The following RAB19 variants were observed in gnomAD, a reference collection of about 807,000 sequenced individuals.
RAB19 encodes the protein ras-related protein Rab-19.
Under a neutral mutation model 17.3 loss-of-function variants are expected in RAB19, and 21 were observed. The ratio of observed to expected loss-of-function variants is 1.21; its 90% CI spans 0.86 to 1.74. RAB19 has a LOEUF of 1.74. Among genes scored for constraint, RAB19 ranks in the 40% most tolerant of loss-of-function variants. RAB19 has a pLI of 0.00. For synonymous variants in RAB19, 126 were observed against 110.4 expected (o/e 1.14, Z -0.88); for missense variants, 277 against 286.8 (o/e 0.97, Z 0.25).
rs140238398 is a variant in RAB19 at position 140,418,396 on chromosome 7, C to CAA, written c.385+6364_385+6365dup. Among the ~76,000 whole-genome samples the CAA allele has an allele frequency of 9.7e-3, 679 of 70,348 alleles. 23 individuals carry two copies. The highest frequency in any genetic ancestry group is 0.036 in the African/African-American group (630 of 17,394). The allele number at this position is 70,348 out of a possible 152,430, so 46.2% of individuals were successfully genotyped here. A position where few individuals can be genotyped will look rare whatever the true frequency, so the allele number is the denominator to read the frequency against. On this transcript the variant is annotated intron_variant, in intron 3 of 3. Transcript: ENST00000537763. ...GTGAAACCCCGTCTCTGCTAAAATA[C>CAA]AAAAAAAAAAAAAAAAAAAAAAAAA... is the stretch of plus-strand genomic sequence containing the variant.
At chr7:140,418,514 T>G (rs1799502259) in intron 3 of RAB19, among the ~76,000 whole-genome samples, 1 of 149,758 alleles carries the variant, frequency 6.7e-6, no homozygotes, top group African/African-American at 2.5e-5. Context: ...AGGCAGAGGT[T>G]GCGGTGAGCC....
intron 3 of RAB19, among the ~76,000 whole-genome samples, chr7:140,424,747 G>T (rs1467823985): frequency 2.0e-5 from 3 of 148,950 alleles, no homozygotes; most frequent in African/African-American, 7.4e-5. Context: ...AAAATAAAAG[G>T]TTTAAACATG....
chr7:140,408,409 C>T (rs1799289872), intron 2 of RAB19, among the ~76,000 whole-genome samples: 1 of 151,736 alleles, frequency 6.6e-6, no homozygotes, highest in African/African-American at 2.4e-5. Flanking sequence ...TTATACATTT[C>T]TCTAACTATA....
chr7:140,406,618 G>A (rs74931238), intron 1 of RAB19, among the ~76,000 whole-genome samples: 11,633 of 148,792 alleles, frequency 0.078, 881 homozygotes, highest in East Asian at 0.21. Flanking sequence ...CAGCCTGGGC[G>A]ACACAGCGAG....
At position 140,426,990 on chromosome 7, in the gene RAB19, C is replaced by T. The variant is rs887368905; in HGVS notation, c.*840C>T. Among the ~76,000 whole-genome samples, 4 of 151,158 alleles carry T rather than the reference C, an allele frequency of 2.6e-5. No homozygotes were observed. Among genetic ancestry groups the T allele is most frequent in the African/African-American group, 7.3e-5 (3 of 41,114 alleles). On this transcript the variant is annotated 3_prime_UTR_variant, in exon 4 of 4. Coordinates refer to ENST00000537763, the MANE Select transcript of RAB19 (RefSeq NM_001008749.3). ...CCAAGTGGCTGGGACTACAGACACA[C>T]GCCACCACTCCTGGCTAATTTTTGT...
intron 3 of RAB19, among the ~76,000 whole-genome samples, chr7:140,416,242 C>T (rs1005073784): frequency 6.6e-6 from 1 of 151,538 alleles, no homozygotes; most frequent in Non-Finnish European, 1.5e-5. Context: ...GCGGGAGAGT[C>T]GCTTGAACCC....
At chr7:140,409,866 G>C (rs183425760) in intron 2 of RAB19, among the ~76,000 whole-genome samples, 6,015 of 151,376 alleles carry the variant, frequency 0.04, 120 homozygotes, top group Non-Finnish European at 0.044. Flanking sequence ...GGTGGCGGGT[G>C]CCTGTAGTCC....
chr7:140,427,666 G>A lies in RAB19; in HGVS notation c.*1516G>A, dbSNP rs1167466163. Among the ~76,000 whole-genome samples the A allele has an allele frequency of 6.6e-6, 1 of 151,736 alleles. No homozygotes were observed. Among genetic ancestry groups the A allele is most frequent in the East Asian group, 1.9e-4 (1 of 5,176 alleles). Reference sequence around the variant, plus strand: ...AGGGTTTCACCACGTTGGCCAGGCTGGTCTCGAACTCCTGACCTCATGATC... The same window carrying A: ...AGGGTTTCACCACGTTGGCCAGGCTAGTCTCGAACTCCTGACCTCATGATC... On this transcript the variant is annotated 3_prime_UTR_variant, in exon 4 of 4. Coordinates refer to ENST00000537763, the MANE Select transcript of RAB19 (RefSeq NM_001008749.3).
chr7:140,406,640 CA>C (rs1245342381), intron 1 of RAB19, among the ~76,000 whole-genome samples: 11 of 109,778 alleles, frequency 1.0e-4, no homozygotes, highest in Admixed American at 2.0e-4. Flanking sequence ...CTCTTTGTCT[CA>C]AAAAAAAAAG....
chr7:140,418,505 G>A (rs1157097340), intron 3 of RAB19, among the ~76,000 whole-genome samples: 4 of 151,584 alleles, frequency 2.6e-5, no homozygotes, highest in Non-Finnish European at 5.9e-5. Context: ...GAACCCGGGA[G>A]GCAGAGGTTG....
At position 140,411,104 on chromosome 7, in the gene RAB19, T is replaced by C. The variant is rs777406633; in HGVS notation, c.202-770T>C. The C allele has an allele frequency of 3.7e-6, 5 of 1,367,340 alleles. No individual in the cohort carries two copies. The South Asian group carries it at 4.5e-5, about 12-fold the overall frequency. 84.7% of individuals were successfully genotyped at this position (1,367,340 alleles called of 1,614,324 possible). A position where few individuals can be genotyped will look rare whatever the true frequency, so the allele number is the denominator to read the frequency against. On this transcript the variant is annotated intron_variant, in intron 2 of 3. Coordinates refer to ENST00000537763, the MANE Select transcript of RAB19 (RefSeq NM_001008749.3). ...AAGAACACAAGACCCCAGGATAAAA[T>C]AGGCCCACCTCTCGGCCGGGCGCAG... is the stretch of plus-strand genomic sequence containing the variant.
At chr7:140,422,141 C>T (rs1201881222) in intron 3 of RAB19, among the ~76,000 whole-genome samples, 1 of 152,150 alleles carries the variant, frequency 6.6e-6, no homozygotes, top group Non-Finnish European at 1.5e-5. Context: ...AATCCCAACA[C>T]TTTGGGAGGC....
intron 3 of RAB19, among the ~76,000 whole-genome samples, chr7:140,418,525 G>A (rs1379285076): frequency 6.6e-5 from 10 of 150,946 alleles, no homozygotes; most frequent in African/African-American, 1.9e-4. Flanking sequence ...GCGGTGAGCC[G>A]AGATTGCGCC....
At chr7:140,408,443 G>T (rs147987057) in intron 2 of RAB19, among the ~76,000 whole-genome samples, 2 of 151,756 alleles carry the variant, frequency 1.3e-5, no homozygotes, top group South Asian at 2.1e-4. Context: ...TGCTTTTTTG[G>T]GGGGGTGGGG....
chr7:140,424,662 T>A (rs960175191), intron 3 of RAB19, among the ~76,000 whole-genome samples: 2 of 83,422 alleles, frequency 2.4e-5, no homozygotes, highest in African/African-American at 8.0e-5. Flanking sequence ...TATATGTGTG[T>A]GTATATATAT....
In RAB19 at chr7:140,418,029, A is replaced by G. The variant is rs1044263590; in HGVS notation, c.385+5972A>G. Among the ~76,000 whole-genome samples, 11 of 152,256 alleles carry G rather than the reference A, an allele frequency of 7.2e-5. No individual in the cohort carries two copies. In the East Asian group the frequency reaches 1.5e-3, roughly 21 times the overall value. Reference sequence around the variant, plus strand: ...CTCCATGGGCCCCCGTTCCTAGCCTATTGTAGCACTCAAATGTGCTAATGT... The same window carrying G: ...CTCCATGGGCCCCCGTTCCTAGCCTGTTGTAGCACTCAAATGTGCTAATGT... On this transcript the variant is annotated intron_variant, in intron 3 of 3. Coordinates refer to ENST00000537763, the MANE Select transcript of RAB19 (RefSeq NM_001008749.3).
At chr7:140,422,619 C>T (rs991117424) in intron 3 of RAB19, among the ~76,000 whole-genome samples, 2 of 147,758 alleles carry the variant, frequency 1.4e-5, no homozygotes, top group African/African-American at 4.8e-5. Context: ...CTCCACTGCA[C>T]TCCAGCCTGG....
In RAB19 at chr7:140,427,529, G is replaced by A. The variant is rs1799692131; in HGVS notation, c.*1379G>A. 6.8e-6 allele frequency among the ~76,000 whole-genome samples: 1 copy of A among 146,156 alleles called. No individual in the cohort carries two copies. The highest frequency in any genetic ancestry group is 2.2e-4 in the South Asian group (1 of 4,566). On this transcript the variant is annotated 3_prime_UTR_variant, in exon 4 of 4. Transcript: ENST00000537763. ...TGCAATGGTGTGACCTCGGCTCACTGCAACTTCTGCCTTCCAGATTCAAGT... is the reference window on the plus strand; with the variant it reads ...TGCAATGGTGTGACCTCGGCTCACTACAACTTCTGCCTTCCAGATTCAAGT...
intron 1 of RAB19, 45 bp downstream of exon 1, chr7:140,404,262 G>A (rs73163251): frequency 0.017 from 2,596 of 152,566 alleles, 44 homozygotes; most frequent in Non-Finnish European, 0.026. Flanking sequence ...CGGGATGCCG[G>A]CGGGAGGACA....
Sources: gnomAD v4.1 joint callset for allele counts (sites outside exome capture counted in the v4.1 genomes callset) on GRCh38, gnomAD v4.1.1 for gene constraint, MANE v1.5 for transcripts, NCBI Gene and HGNC (gene_info 2026-07-23, HGNC 2026-07-21) for gene names.